Variants in PDE10A observed in about 807,000 individuals in gnomAD.
PDE10A encodes the protein phosphodiesterase 10A.
PDE10A carries 39 observed loss-of-function variants against 97.7 expected under a neutral mutation model. That is an observed-to-expected ratio of 0.40 (90% CI 0.31 to 0.52). The LOEUF (loss-of-function observed/expected upper bound fraction) is 0.52. PDE10A is among the 20% of genes least tolerant of loss of function. The pLI, the probability that PDE10A is intolerant of heterozygous loss-of-function variation, is 0.56. For missense variants in PDE10A, 731 were observed against 1,047.8 expected, an observed-to-expected ratio of 0.70 and a Z score of 4.17; for synonymous variants, 371 against 376.8, an observed-to-expected ratio of 0.98 and a Z score of 0.18.
At chr6:165,914,102 C>T (rs1473884749) in intron 1 of PDE10A, among the ~76,000 whole-genome samples, 1 of 152,194 alleles carries the variant, frequency 6.6e-6, no homozygotes, top group Non-Finnish European at 1.5e-5. Context: ...ACAGCCACCC[C>T]TACATATACA....
chr6:165,582,200 A>C (rs1452062278), intron 1 of PDE10A, among the ~76,000 whole-genome samples: 2 of 152,206 alleles, frequency 1.3e-5, no homozygotes, highest in African/African-American at 2.4e-5. Flanking sequence ...ATACAGAAGT[A>C]CAGTGCTAAT....
chr6:165,498,466 A>AAAAAAAAAAAAAAAAAAG (rs1780677360), intron 2 of PDE10A, among the ~76,000 whole-genome samples: 1 of 128,882 alleles, frequency 7.8e-6, no homozygotes, highest in Non-Finnish European at 1.7e-5. Flanking sequence ...AAAAAAAAAA[A>AAAAAAAAAAAAAAAAAAG]TCAGTAACAG....
chr6:165,938,394 A>G (rs565255378), intron 1 of PDE10A, among the ~76,000 whole-genome samples: 8 of 152,252 alleles, frequency 5.3e-5, no homozygotes, highest in Non-Finnish European at 1.0e-4. Flanking sequence ...TGTTTTCATT[A>G]AAATGGCTAT....
At chr6:165,796,169 C>T (rs1231723950) in intron 1 of PDE10A, among the ~76,000 whole-genome samples, 4 of 140,572 alleles carry the variant, frequency 2.8e-5, no homozygotes, top group African/African-American at 1.1e-4. Context: ...AATCTCGGCT[C>T]ACTGCCAGCT....
intron 18 of PDE10A, among the ~76,000 whole-genome samples, chr6:165,357,466 T>C (rs522241): frequency 0.47 from 71,165 of 151,830 alleles, 17,584 homozygotes; most frequent in African/African-American, 0.64. Flanking sequence ...TTGTGCAAGA[T>C]TGTTTGATAG....
intron 2 of PDE10A, among the ~76,000 whole-genome samples, chr6:165,534,961 A>G (rs1210599653): frequency 6.6e-6 from 1 of 152,082 alleles, no homozygotes; most frequent in African/African-American, 2.4e-5. Flanking sequence ...CACAAGAGAA[A>G]GAAATAAAGA....
At chr6:165,432,379 A>C (rs1789641858) in intron 7 of PDE10A, among the ~76,000 whole-genome samples, 1 of 152,160 alleles carries the variant, frequency 6.6e-6, no homozygotes. Flanking sequence ...CAAAGGCCTC[A>C]GTTAAGTAGC....
At chr6:165,927,279 A>G (rs1363282449) in intron 1 of PDE10A, among the ~76,000 whole-genome samples, 1 of 152,202 alleles carries the variant, frequency 6.6e-6, no homozygotes, top group East Asian at 1.9e-4. Context: ...ATAGTGAAGT[A>G]TGGCTTTCAG....
chr6:165,444,751 T>C (rs1790717807), intron 5 of PDE10A, among the ~76,000 whole-genome samples: 2 of 152,132 alleles, frequency 1.3e-5, no homozygotes, highest in Non-Finnish European at 2.9e-5. Flanking sequence ...CTTGCTTATA[T>C]GAATGCACGT....
intron 1 of PDE10A, among the ~76,000 whole-genome samples, chr6:165,742,512 G>A (rs746114202): frequency 1.3e-5 from 2 of 152,068 alleles, no homozygotes; most frequent in Non-Finnish European, 2.9e-5. Context: ...CATTATTGAA[G>A]GCTCTAACTT....
chr6:165,605,436 C>T (rs568227617), intron 1 of PDE10A, among the ~76,000 whole-genome samples: 13 of 152,238 alleles, frequency 8.5e-5, no homozygotes, highest in African/African-American at 3.1e-4. Flanking sequence ...AAATAAGTTT[C>T]CTGTAGTTCC....
At chr6:165,640,146 A>T (rs1025093325) in intron 1 of PDE10A, among the ~76,000 whole-genome samples, 1 of 151,994 alleles carries the variant, frequency 6.6e-6, no homozygotes, top group East Asian at 1.9e-4. Context: ...ACTCTTTCCC[A>T]TTAGGGTATA....
chr6:165,880,642 C>A (rs1308231356), intron 1 of PDE10A, among the ~76,000 whole-genome samples: 1 of 152,146 alleles, frequency 6.6e-6, no homozygotes, highest in Non-Finnish European at 1.5e-5. Flanking sequence ...CTACTCCATC[C>A]CCATGTTCTT....
chr6:165,401,956 G>A (rs2078074248), intron 13 of PDE10A, among the ~76,000 whole-genome samples: 2 of 152,116 alleles, frequency 1.3e-5, no homozygotes, highest in African/African-American at 4.8e-5. Context: ...ACAATCCACA[G>A]GATTTACTCA....
chr6:165,776,430 C>T (rs1319221659), intron 1 of PDE10A, among the ~76,000 whole-genome samples: 1 of 152,212 alleles, frequency 6.6e-6, no homozygotes, highest in Non-Finnish European at 1.5e-5. Context: ...AATCAAAGCA[C>T]TGCAGTAAAA....
At chr6:165,691,159 T>C (rs1405801405) in intron 1 of PDE10A, among the ~76,000 whole-genome samples, 1 of 19,222 alleles carries the variant, frequency 5.2e-5, no homozygotes, top group Non-Finnish European at 1.4e-4. Flanking sequence ...TACAGTAATA[T>C]TCTCTCTTTC....
At chr6:165,930,977 G>T (rs147807962) in intron 1 of PDE10A, among the ~76,000 whole-genome samples, 4 of 152,348 alleles carry the variant, frequency 2.6e-5, no homozygotes, top group African/African-American at 9.6e-5. Context: ...CGTGAAATAT[G>T]GTGAGACAGC....
intron 1 of PDE10A, among the ~76,000 whole-genome samples, chr6:165,765,684 A>G (rs1777826391): frequency 6.6e-6 from 1 of 152,146 alleles, no homozygotes; most frequent in Non-Finnish European, 1.5e-5. Context: ...ACCTCCCTGC[A>G]AGCTGAGGGA....
At position 165,661,934 on chromosome 6, in the gene PDE10A, G is replaced by C. The variant is rs1280735152; in HGVS notation, c.865+13C>G. On this transcript the variant is annotated intron_variant, in intron 1 of 21. Coordinates refer to ENST00000539869, the MANE Select transcript of PDE10A (RefSeq NM_001385079.1). This position sits in a 1 kb window ranked among gnomAD's most constrained non-coding sequence, Gnocchi z 4.8. ...CCGCCCCACCTCCGGGGAACGGGGA[G>C]CAGGCCACTTACTGGGGCTCAGGAA... 3 of 915,530 alleles carry C rather than the reference G, an allele frequency of 3.3e-6. No individual in the cohort carries two copies. The highest frequency in any genetic ancestry group is 4.1e-5 in the Admixed American group (2 of 48,588). The allele number at this position is 915,530 out of a possible 1,614,324, so 56.7% of individuals were successfully genotyped here. A position where few individuals can be genotyped will look rare whatever the true frequency, so the allele number is the denominator to read the frequency against.
Sources: gnomAD v4.1 joint callset for allele counts (sites outside exome capture counted in the v4.1 genomes callset) on GRCh38, gnomAD v4.1.1 for gene constraint, Gnocchi (gnomAD v3.1) non-coding constraint, MANE v1.5 for transcripts, NCBI Gene and HGNC (gene_info 2026-07-23, HGNC 2026-07-21) for gene names.